Variants in CDK17 observed in about 807,000 individuals in gnomAD.
CDK17 encodes the protein cyclin dependent kinase 17, also known as cyclin-dependent kinase 17.
CDK17 carries 24 observed loss-of-function variants against 77.6 expected under a neutral mutation model. That is an observed-to-expected ratio of 0.31 (90% confidence interval 0.22 to 0.44). CDK17 has a LOEUF of 0.44. Ranked by LOEUF, CDK17 falls within the 20% of genes least tolerant of loss-of-function variation. The probability of loss-of-function intolerance (pLI) is 1.00; values close to 1 mark genes in which losing one functional copy is unlikely to be tolerated. For synonymous variants in CDK17, 203 were observed against 210.4 expected, an observed-to-expected ratio of 0.96 and a Z score of 0.30; for missense variants, 429 against 622.5, an observed-to-expected ratio of 0.69 and a Z score of 3.31.
intron 9 of CDK17, 50 bp downstream of exon 9, chr12:96,297,217 GTTC>G (rs1188626469): frequency 1.8e-6 from 2 of 1,119,222 alleles, no homozygotes; most frequent in Non-Finnish European, 2.7e-6. Context: ...TTATATAATG[GTTC>G]ACCTATGCTT....
intron 3 of CDK17, 60 bp downstream of exon 3, chr12:96,323,888 T>G: frequency 7.9e-7 from 1 of 1,262,502 alleles, no homozygotes; most frequent in African/African-American, 1.5e-5. Context: ...AATTAAAACT[T>G]AACTATGTGC....
intron 1 of CDK17, among the ~76,000 whole-genome samples, chr12:96,398,058 G>T (rs866549005): frequency 4.0e-5 from 6 of 151,714 alleles, no homozygotes; most frequent in Admixed American, 3.9e-4. Context: ...CTTCAATAGT[G>T]TTTTATTTTC....
chr12:96,297,194 C>A, intron 9 of CDK17, 76 bp downstream of exon 9: 1 of 862,894 alleles, frequency 1.2e-6, no homozygotes, highest in South Asian at 1.6e-5. Context: ...AGTTATGAGG[C>A]TGGTACATTT....
chr12:96,297,839 T>C (rs1463981023), intron 7 of CDK17, 118 bp from the exon 8 acceptor site: 2 of 576,178 alleles, frequency 3.5e-6, no homozygotes, highest in Non-Finnish European at 3.1e-6. Context: ...GGGCGGTGGC[T>C]CACCCCTATA....
chr12:96,349,389 G>T (rs1282452963), intron 1 of CDK17, among the ~76,000 whole-genome samples: 1 of 151,910 alleles, frequency 6.6e-6, no homozygotes, highest in Non-Finnish European at 1.5e-5. Flanking sequence ...GGAGGGGGAG[G>T]TTGCAATGAG....
At chr12:96,364,570 T>G (rs1465947457) in intron 1 of CDK17, among the ~76,000 whole-genome samples, 2 of 152,184 alleles carry the variant, frequency 1.3e-5, no homozygotes, top group Non-Finnish European at 2.9e-5. Context: ...ATCATTTGGC[T>G]GTGTTCTGTT....
At chr12:96,341,318 TACACACAC>T (rs10656968) in intron 1 of CDK17, among the ~76,000 whole-genome samples, 4 of 148,696 alleles carry the variant, frequency 2.7e-5, no homozygotes, top group Non-Finnish European at 4.5e-5. Context: ...ATCATATACA[TACACACAC>T]ACACACACAC....
chr12:96,339,408 A>G (rs1953091745), intron 1 of CDK17, among the ~76,000 whole-genome samples: 1 of 152,010 alleles, frequency 6.6e-6, no homozygotes, highest in African/African-American at 2.4e-5. Flanking sequence ...ATGGGTACAG[A>G]GTTTACATCT....
intron 1 of CDK17, among the ~76,000 whole-genome samples, chr12:96,392,913 A>C (rs1159865707): frequency 6.6e-6 from 1 of 152,246 alleles, no homozygotes; most frequent in Non-Finnish European, 1.5e-5. Context: ...CTTATATGTT[A>C]CAATATTGCC....
chr12:96,298,314 A>C (rs1054975992), intron 7 of CDK17, among the ~76,000 whole-genome samples: 13 of 151,990 alleles, frequency 8.6e-5, no homozygotes, highest in Admixed American at 3.3e-4. Flanking sequence ...CATGGAAATC[A>C]ATTTTTTCTT....
chr12:96,373,973 A>T (rs1428426850), intron 1 of CDK17, among the ~76,000 whole-genome samples: 3 of 152,134 alleles, frequency 2.0e-5, no homozygotes, highest in African/African-American at 7.2e-5. Flanking sequence ...CAATTACTCC[A>T]AAAGGATGTG....
chr12:96,297,382 G>A, intron 8 of CDK17, 50 bp from the exon 9 acceptor site: 1 of 1,231,522 alleles, frequency 8.1e-7, no homozygotes, highest in South Asian at 1.3e-5. Context: ...TCAGAATGTT[G>A]TGACTGGTTC....
chr12:96,396,171 A>G (rs1433732621), intron 1 of CDK17, among the ~76,000 whole-genome samples: 1 of 152,184 alleles, frequency 6.6e-6, no homozygotes, highest in African/African-American at 2.4e-5. Flanking sequence ...TTGATTTTCC[A>G]TGTTGGCCAA....
chr12:96,281,344 A>C (rs1201896166), intron 15 of CDK17, among the ~76,000 whole-genome samples: 1 of 152,244 alleles, frequency 6.6e-6, no homozygotes, highest in Non-Finnish European at 1.5e-5. Context: ...CCTCAAAGTA[A>C]AACTTGGTAT....
rs753370509 is a variant in CDK17 at position 96,344,992 on chromosome 12, G to A, written c.-29-10127C>T. Among the ~76,000 whole-genome samples the A allele has an allele frequency of 2.4e-4, 36 of 151,988 alleles. 1 individual carries two copies. Among genetic ancestry groups the A allele is most frequent in the South Asian group, 6.2e-4 (3 of 4,816 alleles). On this transcript the variant is annotated intron_variant, in intron 1 of 16. Coordinates refer to ENST00000261211, the MANE Select transcript of CDK17 (RefSeq NM_002595.5). ...GCTCTCCCTACCCCTGCCCTCCTCC[G>A]ACAGGCCTCAGTTAAGTGTTGTTTC...
intron 1 of CDK17, among the ~76,000 whole-genome samples, chr12:96,352,392 GA>G (rs112557668): frequency 3.4e-4 from 48 of 142,094 alleles, no homozygotes; most frequent in South Asian, 6.7e-4. Context: ...TAGAGAGAGA[GA>G]AAAAAAAAAA....
intron 2 of CDK17, among the ~76,000 whole-genome samples, chr12:96,326,058 CT>C (rs1305873794): frequency 6.6e-6 from 1 of 152,074 alleles, no homozygotes; most frequent in African/African-American, 2.4e-5. Context: ...ATTTTTTTCT[CT>C]TTCTAGGTTA....
intron 1 of CDK17, among the ~76,000 whole-genome samples, chr12:96,376,805 A>C (rs1953788168): frequency 6.6e-6 from 1 of 152,168 alleles, no homozygotes; most frequent in Non-Finnish European, 1.5e-5. Context: ...GATGAGAAAC[A>C]GATCACAGAC....
rs58025242 is a variant in CDK17, at chr12:96,333,671, CA to C, written c.118+1047del. 6.4e-3 allele frequency among the ~76,000 whole-genome samples: 709 copies of C among 111,536 alleles called. 4 individuals carry two copies. The highest frequency in any genetic ancestry group is 0.017 in the African/African-American group (547 of 31,968). 73.2% of individuals were successfully genotyped at this position (111,536 alleles called of 152,430 possible). On this transcript the variant is annotated intron_variant, in intron 2 of 16. Transcript: ENST00000261211. ...CCTGGGCAGCAGAGCGAGACTGTCT[CA>C]AAAAAAAAAAAAAAAGGTAGATGTT...
Sources: allele counts gnomAD v4.1 joint callset (sites outside exome capture counted in the v4.1 genomes callset), GRCh38; gene constraint gnomAD v4.1.1; transcripts MANE v1.5; gene names NCBI Gene and HGNC (gene_info 2026-07-23, HGNC 2026-07-21).